PDE3A: variants seen among roughly 807,000 people sequenced by gnomAD.
PDE3A encodes phosphodiesterase 3A.
PDE3A carries 43 observed loss-of-function variants against 98.3 expected under a neutral mutation model. The ratio of observed to expected loss-of-function variants is 0.44; its 90% CI spans 0.34 to 0.56. The LOEUF is 0.56. Ranked by LOEUF, PDE3A falls within the 20% of genes least tolerant of loss-of-function variation. PDE3A has a pLI of 0.01. For synonymous variants in PDE3A, 663 were observed against 567.9 expected (o/e 1.17, Z -2.38); for missense variants, 1,427 against 1,440.7 (o/e 0.99, Z 0.15).
chr12:20,370,400 G>T lies in PDE3A; in HGVS notation c.960+156G>T, dbSNP rs200079602. ...TAAGAAACTAGCAGGTTTTTTTTTT[G>T]TTTTTTTTGTTTTTTTTTTTTTGTT... On this transcript the variant is annotated intron_variant, in intron 1 of 15. Coordinates refer to ENST00000359062, the MANE Select transcript of PDE3A (RefSeq NM_000921.5). The T allele has an allele frequency of 1.5e-3, 526 of 359,572 alleles. 1 individual carries two copies. The highest frequency in any genetic ancestry group is 8.4e-3 in the East Asian group (197 of 23,332). 22.3% of individuals were successfully genotyped at this position (359,572 alleles called of 1,614,324 possible).
chr12:20,538,445 T>C (rs1229668087), intron 1 of PDE3A, among the ~76,000 whole-genome samples: 1 of 152,178 alleles, frequency 6.6e-6, no homozygotes. Context: ...CAGTGACTTC[T>C]GCCCGTATCT....
intron 1 of PDE3A, among the ~76,000 whole-genome samples, chr12:20,396,624 G>A (rs1476073730): frequency 1.3e-5 from 2 of 151,862 alleles, no homozygotes; most frequent in Admixed American, 6.6e-5. Flanking sequence ...TGAATAACGA[G>A]TAAACATTAA....
At chr12:20,396,574 C>G (rs1323078356) in intron 1 of PDE3A, among the ~76,000 whole-genome samples, 1 of 151,908 alleles carries the variant, frequency 6.6e-6, no homozygotes, top group Non-Finnish European at 1.5e-5. Context: ...TACATACTAG[C>G]TTAGATGATT....
At chr12:20,431,507 T>G (rs1374049648) in intron 1 of PDE3A, among the ~76,000 whole-genome samples, 2 of 151,996 alleles carry the variant, frequency 1.3e-5, no homozygotes, top group African/African-American at 4.8e-5. Flanking sequence ...ATGGGGGCAT[T>G]TAAGTTATTG....
At chr12:20,646,985 T>C (rs746497572) in intron 12 of PDE3A, 35 bp downstream of exon 12, 5 of 1,456,224 alleles carry the variant, frequency 3.4e-6, no homozygotes, top group Middle Eastern at 1.8e-4. Context: ...AGAACTAATT[T>C]AAAGATTTCT....
intron 1 of PDE3A, among the ~76,000 whole-genome samples, chr12:20,532,894 T>A (rs928610807): frequency 5.9e-5 from 9 of 152,106 alleles, no homozygotes; most frequent in African/African-American, 2.2e-4. Flanking sequence ...TTCACCTTGG[T>A]CTCGATCTCC....
chr12:20,546,451 A>G (rs908726806), intron 1 of PDE3A, among the ~76,000 whole-genome samples: 2 of 151,970 alleles, frequency 1.3e-5, no homozygotes, highest in East Asian at 1.9e-4. Context: ...GATCTTCCCA[A>G]TCCAGAGCAC....
chr12:20,442,169 A>G (rs1373515184), intron 1 of PDE3A, among the ~76,000 whole-genome samples: 2 of 152,212 alleles, frequency 1.3e-5, no homozygotes, highest in Admixed American at 1.3e-4. Context: ...TCAGTCATTG[A>G]CACTACCTAT....
At chr12:20,419,420 G>A (rs1199844711) in intron 1 of PDE3A, among the ~76,000 whole-genome samples, 1 of 151,882 alleles carries the variant, frequency 6.6e-6, no homozygotes, top group Non-Finnish European at 1.5e-5. Context: ...AGCCTCCCTA[G>A]TAGCTGGGAC....
At chr12:20,667,719 T>C (rs976040648) in intron 15 of PDE3A, among the ~76,000 whole-genome samples, 1 of 152,224 alleles carries the variant, frequency 6.6e-6, no homozygotes, top group Non-Finnish European at 1.5e-5. Context: ...CCATCTTTGT[T>C]CTTTTCGTTC....
intron 1 of PDE3A, among the ~76,000 whole-genome samples, chr12:20,426,596 G>A (rs1944605568): frequency 6.6e-6 from 1 of 152,174 alleles, no homozygotes; most frequent in East Asian, 1.9e-4. Flanking sequence ...GTATAGTGTA[G>A]AGAAGACTAA....
chr12:20,612,423 T>C (rs1943882455), intron 2 of PDE3A, among the ~76,000 whole-genome samples: 1 of 151,396 alleles, frequency 6.6e-6, no homozygotes, highest in African/African-American at 2.4e-5. Flanking sequence ...TATATTTTCT[T>C]ATGTAGAAGT....
At chr12:20,502,501 C>G (rs1223155005) in intron 1 of PDE3A, among the ~76,000 whole-genome samples, 3 of 151,998 alleles carry the variant, frequency 2.0e-5, no homozygotes, top group Non-Finnish European at 2.9e-5. Flanking sequence ...GTAGTTCCCC[C>G]AAAAAATGTT....
At chr12:20,561,981 A>AAAG (rs1942535782) in intron 2 of PDE3A, among the ~76,000 whole-genome samples, 1 of 152,056 alleles carries the variant, frequency 6.6e-6, no homozygotes, top group Admixed American at 6.6e-5. Flanking sequence ...TCTTTTTTTA[A>AAAG]AAGTATATAA....
chr12:20,644,613 T>C (rs1944727800), intron 10 of PDE3A, among the ~76,000 whole-genome samples: 1 of 152,136 alleles, frequency 6.6e-6, no homozygotes, highest in Admixed American at 6.6e-5. Context: ...ACATAAAATA[T>C]GATCGTAATT....
chr12:20,582,700 T>C (rs939178125), intron 2 of PDE3A, among the ~76,000 whole-genome samples: 93 of 152,296 alleles, frequency 6.1e-4, no homozygotes, highest in Non-Finnish European at 1.0e-3. Flanking sequence ...TTTGAGACCA[T>C]AGACTTTTTT....
chr12:20,470,223 A>C (rs1288827806), intron 1 of PDE3A, among the ~76,000 whole-genome samples: 2 of 152,162 alleles, frequency 1.3e-5, no homozygotes, highest in Non-Finnish European at 2.9e-5. Flanking sequence ...TTAAGAAAGA[A>C]ATAATTGTGT....
intron 4 of PDE3A, 72 bp from the exon 5 acceptor site, chr12:20,621,224 G>A (rs1228952738): frequency 1.5e-5 from 13 of 843,442 alleles, no homozygotes; most frequent in South Asian, 5.8e-5. Context: ...TTGGGTTCTG[G>A]CAAGACTGGC....
chr12:20,490,113 G>A (rs1229303851), intron 1 of PDE3A, among the ~76,000 whole-genome samples: 1 of 152,132 alleles, frequency 6.6e-6, no homozygotes, highest in Non-Finnish European at 1.5e-5. Flanking sequence ...ACATTGAGAG[G>A]AGGTGAAAGA....
Sources: gnomAD v4.1 joint callset for allele counts (sites outside exome capture counted in the v4.1 genomes callset) on GRCh38, gnomAD v4.1.1 for gene constraint, MANE v1.5 for transcripts, NCBI Gene and HGNC (gene_info 2026-07-23, HGNC 2026-07-21) for gene names.